Variants in ABTB2 observed in about 807,000 individuals in gnomAD.
ABTB2 encodes the protein ankyrin repeat and BTB domain containing 2, also known as ankyrin repeat and BTB/POZ domain-containing protein 2.
ABTB2 carries 56 observed loss-of-function variants against 104.1 expected under a neutral mutation model. The observed-to-expected ratio is 0.54, with a 90% CI of 0.43 to 0.67. ABTB2 has a LOEUF of 0.67. ABTB2 is among the 30% of genes least tolerant of loss of function. ABTB2 has a pLI of 0.00. For missense variants in ABTB2, 1,279 were observed against 1,407.7 expected, an observed-to-expected ratio of 0.91 and a Z score of 1.46; for synonymous variants, 606 against 608.2, an observed-to-expected ratio of 1.00 and a Z score of 0.05.
intron 1 of ABTB2, among the ~76,000 whole-genome samples, chr11:34,337,185 C>T (rs1855201424): frequency 6.6e-6 from 1 of 152,248 alleles, no homozygotes; most frequent in African/African-American, 2.4e-5. Flanking sequence ...GAAACTGCAG[C>T]ACTTCCGGAA....
At chr11:34,333,403 A>C (rs1251336754) in intron 1 of ABTB2, among the ~76,000 whole-genome samples, 1 of 152,176 alleles carries the variant, frequency 6.6e-6, no homozygotes, top group African/African-American at 2.4e-5. Flanking sequence ...GGAGAAACAA[A>C]ACAAAACAAA....
At chr11:34,168,038 C>G (rs1565130298) in intron 5 of ABTB2, 46 bp from the exon 6 acceptor site, 1 of 1,578,648 alleles carries the variant, frequency 6.3e-7, no homozygotes, top group East Asian at 2.3e-5. Context: ...AAACAGAACA[C>G]AACACCATGT....
intron 1 of ABTB2, among the ~76,000 whole-genome samples, chr11:34,230,382 C>A (rs908246399): frequency 6.6e-6 from 1 of 152,150 alleles, no homozygotes; most frequent in African/African-American, 2.4e-5. Context: ...TAGTCACTTA[C>A]CCAGACAAGT....
intron 1 of ABTB2, among the ~76,000 whole-genome samples, chr11:34,317,029 A>G (rs1854941140): frequency 1.3e-5 from 2 of 152,232 alleles, no homozygotes; most frequent in African/African-American, 2.4e-5. Flanking sequence ...AGAGGCACAA[A>G]GCCTGTTTGA....
chr11:34,302,219 T>A (rs1173426274), intron 1 of ABTB2, among the ~76,000 whole-genome samples: 3 of 152,258 alleles, frequency 2.0e-5, no homozygotes. Flanking sequence ...GGATATTTCA[T>A]GAGTATTTTC....
At chr11:34,346,146 C>G (rs1855328874) in intron 1 of ABTB2, among the ~76,000 whole-genome samples, 1 of 152,248 alleles carries the variant, frequency 6.6e-6, no homozygotes, top group Non-Finnish European at 1.5e-5. Context: ...CTTTGAAACA[C>G]CGGCCCTGCC....
At chr11:34,332,185 A>C (rs554079952) in intron 1 of ABTB2, among the ~76,000 whole-genome samples, 1 of 152,266 alleles carries the variant, frequency 6.6e-6, no homozygotes, top group Admixed American at 6.5e-5. Context: ...TGCAGCACTT[A>C]ACGTAAAGGA....
chr11:34,171,729 T>G (rs1852876694), intron 4 of ABTB2, among the ~76,000 whole-genome samples: 1 of 151,946 alleles, frequency 6.6e-6, no homozygotes, highest in Admixed American at 6.6e-5. Flanking sequence ...CACTTGGCTG[T>G]ATACTGTTTG....
At chr11:34,344,614 A>G (rs1032628231) in intron 1 of ABTB2, among the ~76,000 whole-genome samples, 1 of 152,140 alleles carries the variant, frequency 6.6e-6, no homozygotes, top group African/African-American at 2.4e-5. Flanking sequence ...CTCTCACCTC[A>G]GCCTCCCAAG....
intron 1 of ABTB2, among the ~76,000 whole-genome samples, chr11:34,270,759 C>T (rs1383923146): frequency 6.6e-6 from 1 of 152,174 alleles, no homozygotes; most frequent in South Asian, 2.1e-4. Context: ...CTAGAGGGGG[C>T]AGATGCTATT....
At chr11:34,274,594 T>C (rs1038478260) in intron 1 of ABTB2, among the ~76,000 whole-genome samples, 29 of 152,052 alleles carry the variant, frequency 1.9e-4, no homozygotes, top group Admixed American at 1.9e-3. Context: ...TGTGTGTGTA[T>C]GTATATATTT....
intron 1 of ABTB2, among the ~76,000 whole-genome samples, chr11:34,232,574 GC>G (rs1853785975): frequency 1.3e-5 from 2 of 152,220 alleles, no homozygotes; most frequent in African/African-American, 4.8e-5. Context: ...ACCTTCTGAA[GC>G]CCCACCACAA....
chr11:34,285,259 A>G (rs1045512887), intron 1 of ABTB2, among the ~76,000 whole-genome samples: 1 of 152,130 alleles, frequency 6.6e-6, no homozygotes, highest in Non-Finnish European at 1.5e-5. Flanking sequence ...AGGCTGGATG[A>G]TGACTCTGGC....
chr11:34,329,515 G>A (rs1166868658), intron 1 of ABTB2, among the ~76,000 whole-genome samples: 2 of 152,204 alleles, frequency 1.3e-5, no homozygotes, highest in African/African-American at 4.8e-5. Context: ...TGTGGTTATG[G>A]ACTACAATGA....
intron 1 of ABTB2, among the ~76,000 whole-genome samples, chr11:34,251,798 G>A (rs973218806): frequency 3.6e-4 from 55 of 152,286 alleles, no homozygotes; most frequent in African/African-American, 1.2e-3. Context: ...AACTAAAGCA[G>A]AATGTGAGGC....
chr11:34,173,110 G>A (rs1852907318), intron 4 of ABTB2, 45 bp downstream of exon 4: 1 of 1,611,446 alleles, frequency 6.2e-7, no homozygotes, highest in Admixed American at 1.7e-5. Context: ...AGCCGCTGGG[G>A]GCAGGTCATG....
At chr11:34,205,051 A>G (rs985948113) in intron 1 of ABTB2, among the ~76,000 whole-genome samples, 3 of 152,148 alleles carry the variant, frequency 2.0e-5, no homozygotes, top group African/African-American at 7.2e-5. Context: ...TCATACAAGC[A>G]TTCATTCACT....
chr11:34,153,332 G>C (rs1393646688), intron 16 of ABTB2, among the ~76,000 whole-genome samples: 1 of 152,174 alleles, frequency 6.6e-6, no homozygotes, highest in Non-Finnish European at 1.5e-5. Flanking sequence ...AAAACCTTTG[G>C]TGGGATTAAG....
At chr11:34,335,345 A>G in intron 1 of ABTB2, 1 of 940,460 alleles carries the variant, frequency 1.1e-6, no homozygotes, top group Non-Finnish European at 1.8e-6. Context: ...AGTCAGCCCA[A>G]TATCCCTCAG....
Sources: gnomAD v4.1 joint callset for allele counts (sites outside exome capture counted in the v4.1 genomes callset) on GRCh38, gnomAD v4.1.1 for gene constraint, MANE v1.5 for transcripts, NCBI Gene and HGNC (gene_info 2026-07-23, HGNC 2026-07-21) for gene names.